The following RYK variants were observed in gnomAD, a reference collection of about 807,000 sequenced individuals.
RYK encodes inactive tyrosine-protein kinase RYK.
A neutral mutation model predicts 70.2 loss-of-function variants in RYK; 21 were observed. The observed-to-expected ratio is 0.30, with a 90% confidence interval of 0.21 to 0.43. The LOEUF (loss-of-function observed/expected upper bound fraction) is 0.43, where lower values mean the gene tolerates loss of function less well. Ranked by LOEUF, RYK falls within the 20% of genes least tolerant of loss-of-function variation. The probability of loss-of-function intolerance (pLI) is 1.00; values close to 1 mark genes in which losing one functional copy is unlikely to be tolerated. For synonymous variants in RYK, 267 were observed against 278.0 expected (o/e 0.96, Z 0.39); for missense variants, 604 against 753.3 (o/e 0.80, Z 2.32).
intron 6 of RYK, among the ~76,000 whole-genome samples, chr3:134,201,081 C>T (rs2014000223): frequency 6.6e-6 from 1 of 152,228 alleles, no homozygotes; most frequent in Non-Finnish European, 1.5e-5. Context: ...ATGTCATGCT[C>T]TTCAGTCACC....
At chr3:134,221,592 T>A (rs979441484) in intron 2 of RYK, among the ~76,000 whole-genome samples, 8 of 152,178 alleles carry the variant, frequency 5.3e-5, no homozygotes, top group African/African-American at 9.7e-5. Context: ...TGAAGATTTT[T>A]AAAAATCTAT....
intron 13 of RYK, among the ~76,000 whole-genome samples, 172 bp downstream of exon 13, chr3:134,175,437 C>G (rs1484382062): frequency 1.3e-5 from 2 of 152,096 alleles, no homozygotes; most frequent in Non-Finnish European, 2.9e-5. Flanking sequence ...TGGGTCACAG[C>G]TCCTCTCCAT....
intron 5 of RYK, among the ~76,000 whole-genome samples, chr3:134,203,679 AATGAGT>A (rs2014101400): frequency 6.6e-6 from 1 of 152,230 alleles, no homozygotes; most frequent in Non-Finnish European, 1.5e-5. Context: ...ATTTTTGGCT[AATGAGT>A]ATAACAGTCA....
chr3:134,211,252 C>T (rs1338474535), intron 3 of RYK, among the ~76,000 whole-genome samples: 1 of 152,130 alleles, frequency 6.6e-6, no homozygotes, highest in African/African-American at 2.4e-5. Flanking sequence ...GGCACAGGGA[C>T]TCATGTGGAG....
rs151111732 is a variant in RYK, at chr3:134,214,098, C to T, written c.355-2491G>A. ...CTGAGATTACAGGTGTGAGCCACCG[C>T]GCCCGGCCGAAGCTCACAGCTTCTA... On this transcript the variant is annotated intron_variant, in intron 2 of 14. Coordinates refer to ENST00000623711, the MANE Select transcript of RYK (RefSeq NM_002958.4). 1.9e-3 allele frequency among the ~76,000 whole-genome samples: 285 copies of T among 152,258 alleles called. 1 individual carries two copies. Among genetic ancestry groups the T allele is most frequent in the African/African-American group, 6.2e-3 (258 of 41,548 alleles).
Position 134,178,044 on chromosome 3 carries a change from A to G in RYK, c.1202T>C (p.Ile401Thr). The change falls in exon 11 of 15, where the codon ATA becomes ACA. Residue 401 changes from isoleucine to threonine, a missense_variant. This residue lies in a region of RYK where 466 missense variants were observed against 535.9 expected (regional missense o/e 0.87). Transcript: ENST00000623711. ...CACCATGGGCTTTTCTCCTTCTTCT[A>G]TACACACATGAGTAATAGGAAGAAG... ...RNLLPITHVC[I>T]EEGEKPMVIL... 1.9e-6 allele frequency: 3 copies of G among 1,595,520 alleles called. No individual in the cohort carries two copies. Among genetic ancestry groups the G allele is most frequent in the Non-Finnish European group, 2.6e-6 (3 of 1,168,382 alleles).
intron 1 of RYK, among the ~76,000 whole-genome samples, chr3:134,249,681 C>T (rs942910581): frequency 6.6e-6 from 1 of 152,094 alleles, no homozygotes; most frequent in African/African-American, 2.4e-5. Flanking sequence ...GTTCTTGTTT[C>T]CCTTCAAGAT....
At chr3:134,243,848 ACT>A (rs1402546955) in intron 1 of RYK, among the ~76,000 whole-genome samples, 1 of 151,920 alleles carries the variant, frequency 6.6e-6, no homozygotes, top group Non-Finnish European at 1.5e-5. Context: ...CAGCAATATA[ACT>A]CTTATCTCTG....
chr3:134,175,827 C>T, intron 12 of RYK, 59 bp from the exon 13 acceptor site: 1 of 1,587,330 alleles, frequency 6.3e-7, no homozygotes, highest in Non-Finnish European at 8.6e-7. Context: ...TAGGGATCAT[C>T]ACCACCCTTA....
intron 2 of RYK, among the ~76,000 whole-genome samples, chr3:134,216,261 A>G (rs1195347377): frequency 6.6e-6 from 1 of 152,152 alleles, no homozygotes; most frequent in African/African-American, 2.4e-5. Flanking sequence ...CTACAGCCAA[A>G]TAGCCTTTTA....
chr3:134,230,524 G>A (rs1319811571), intron 1 of RYK, among the ~76,000 whole-genome samples: 2 of 152,192 alleles, frequency 1.3e-5, no homozygotes, highest in African/African-American at 4.8e-5. Context: ...TAACAATAGG[G>A]ATGAATTTCA....
intron 9 of RYK, chr3:134,183,416 G>C (rs1416281095): frequency 6.4e-6 from 1 of 156,100 alleles, no homozygotes; most frequent in Non-Finnish European, 1.4e-5. Context: ...AAAAGAGGCA[G>C]AGGATATAAA....
In RYK at chr3:134,195,063, GAATTA is replaced by G. The variant is rs541168657; in HGVS notation, c.889+14_889+18del. ...AGACAACTTGAGTAAACTGGCTTTAGAATTAAATTAACTCTTACTGGTGATAGGAG... is the reference window on the plus strand; with the variant it reads ...AGACAACTTGAGTAAACTGGCTTTAGAATTAACTCTTACTGGTGATAGGAG... On this transcript the variant is annotated intron_variant, in intron 7 of 14. Coordinates refer to ENST00000623711, the MANE Select transcript of RYK (RefSeq NM_002958.4). 1.3e-4 allele frequency: 210 copies of G among 1,557,744 alleles called. No homozygotes were observed. The African/African-American group carries it at 2.5e-3, about 19-fold the overall frequency.
At chr3:134,174,795 G>C (rs1370977267) in intron 13 of RYK, among the ~76,000 whole-genome samples, 1 of 151,952 alleles carries the variant, frequency 6.6e-6, no homozygotes, top group African/African-American at 2.4e-5. Context: ...ACTATGATCT[G>C]GCTAAGTGGC....
intron 8 of RYK, among the ~76,000 whole-genome samples, chr3:134,190,913 G>A (rs916949138): frequency 2.0e-5 from 3 of 152,086 alleles, no homozygotes; most frequent in South Asian, 2.1e-4. Flanking sequence ...AACTAGTTAT[G>A]CTTAGAAAAC....
intron 5 of RYK, among the ~76,000 whole-genome samples, chr3:134,206,263 T>C (rs899404809): frequency 9.2e-5 from 14 of 152,164 alleles, no homozygotes; most frequent in African/African-American, 1.4e-4. Context: ...CTATGGACTA[T>C]TCTTACCAAA....
intron 10 of RYK, chr3:134,180,869 A>AGTATCAATGCTCAGTATC (rs2013270906): frequency 6.6e-6 from 1 of 152,212 alleles, no homozygotes; most frequent in African/African-American, 2.4e-5. Context: ...TTCCTCAAGG[A>AGTATCAATGCTCAGTATC]CTGAATGCTC....
chr3:134,200,146 T>G (rs1044708609), intron 6 of RYK, among the ~76,000 whole-genome samples: 1 of 151,996 alleles, frequency 6.6e-6, no homozygotes, highest in African/African-American at 2.4e-5. Flanking sequence ...GCAACCTGCT[T>G]GGGTCCCCTT....
Position 134,158,117 on chromosome 3 carries a change from G to T in RYK, c.*36C>A. 8.1e-7 allele frequency: 1 copy of T among 1,236,764 alleles called. No individual in the cohort carries two copies. Among genetic ancestry groups the T allele is most frequent in the Non-Finnish European group, 1.1e-6 (1 of 924,430 alleles). The allele number at this position is 1,236,764 out of a possible 1,614,324, so 76.6% of individuals were successfully genotyped here. On this transcript the variant is annotated 3_prime_UTR_variant, in exon 15 of 15. Transcript: ENST00000623711. ...ACAGGCTTCAAGTGAGCCCCGACAG[G>T]CACCTTCTTCCTGATGGTGTGGGAT... is the stretch of plus-strand genomic sequence containing the variant.
Sources: gnomAD v4.1 joint callset for allele counts (sites outside exome capture counted in the v4.1 genomes callset) on GRCh38, gnomAD v4.1.1 for gene constraint, gnomAD v4.1.1 regional missense constraint, MANE v1.5 for transcripts, NCBI Gene and HGNC (gene_info 2026-07-23, HGNC 2026-07-21) for gene names.